The following TMEM26 variants were observed in gnomAD, a reference collection of about 807,000 sequenced individuals.
TMEM26 encodes the protein transmembrane protein 26.
Under a neutral mutation model 28.8 loss-of-function variants are expected in TMEM26, and 38 were observed. That is an observed-to-expected ratio of 1.32 (90% confidence interval 1.02 to 1.73). TMEM26 has a LOEUF of 1.73. Ranked by LOEUF, TMEM26 falls within the 40% of genes most tolerant of loss-of-function variation. TMEM26 has a pLI of 0.00. For synonymous variants in TMEM26, 227 were observed against 182.9 expected (o/e 1.24, Z -1.95); for missense variants, 518 against 447.1 (o/e 1.16, Z -1.43).
chr10:61,425,817 C>T (rs1016695702), intron 4 of TMEM26, among the ~76,000 whole-genome samples: 6 of 152,056 alleles, frequency 3.9e-5, no homozygotes, highest in African/African-American at 9.7e-5. Context: ...GCAGAGAAAA[C>T]GGAATCCTCA....
intron 3 of TMEM26, among the ~76,000 whole-genome samples, chr10:61,430,662 T>C (rs1170444911): frequency 1.3e-5 from 2 of 151,666 alleles, no homozygotes; most frequent in Non-Finnish European, 2.9e-5. Flanking sequence ...CTCTTTCCTA[T>C]ATACTAGCAA....
intron 1 of TMEM26, among the ~76,000 whole-genome samples, chr10:61,439,242 T>G (rs1403138868): frequency 6.6e-6 from 1 of 152,206 alleles, no homozygotes. Flanking sequence ...CATGCTGTAC[T>G]GTTTTATAGT....
At chr10:61,429,589 ACAAAT>A (rs1165954840) in intron 3 of TMEM26, among the ~76,000 whole-genome samples, 2 of 152,108 alleles carry the variant, frequency 1.3e-5, no homozygotes, top group African/African-American at 4.8e-5. Context: ...TTAGCATTGT[ACAAAT>A]CTTCTCTTTG....
intron 4 of TMEM26, among the ~76,000 whole-genome samples, chr10:61,420,251 A>C (rs751676046): frequency 4.6e-5 from 7 of 152,162 alleles, no homozygotes; most frequent in Non-Finnish European, 1.0e-4. Context: ...GAAGTGAATC[A>C]TCATAAAGGT....
chr10:61,452,922 GGGTGAGCGCAGTCTCCA>G lies in TMEM26; in HGVS notation c.143_159del (p.Leu48ProfsTer22). The G allele has an allele frequency of 1.2e-6, 2 of 1,613,952 alleles. No individual in the cohort carries two copies. The highest frequency in any genetic ancestry group is 1.7e-6 in the Non-Finnish European group (2 of 1,179,884). On this transcript the variant is annotated frameshift_variant, in exon 1 of 6. Transcript: ENST00000399298. LOFTEE classifies it high-confidence loss of function. ...TAGCCTCTGCCGCGCTTGAACTTGAGGGTGAGCGCAGTCTCCAGGAAGAGCAAGAGGTTGAGCAGCGC... is the reference window on the plus strand; with the variant it reads ...TAGCCTCTGCCGCGCTTGAACTTGAGGGAAGAGCAAGAGGTTGAGCAGCGC...
At chr10:61,451,986 G>GAT (rs10555555) in intron 1 of TMEM26, among the ~76,000 whole-genome samples, 4,383 of 148,728 alleles carry the variant, frequency 0.029, 192 homozygotes, top group South Asian at 0.13. Flanking sequence ...TTAATGTATT[G>GAT]ATATATATAT....
intron 1 of TMEM26, among the ~76,000 whole-genome samples, chr10:61,449,344 G>C (rs555241276): frequency 1.5e-4 from 23 of 152,122 alleles, no homozygotes; most frequent in Admixed American, 1.4e-3. Context: ...TATTCTATAG[G>C]ATTCCAACAA....
At chr10:61,416,082 G>A (rs1427194831) in intron 4 of TMEM26, 1 of 449,486 alleles carries the variant, frequency 2.2e-6, no homozygotes, top group Non-Finnish European at 4.5e-6. Flanking sequence ...TTGCCACTTG[G>A]GGTTAGTATG....
chr10:61,423,715 A>G (rs1277517674), intron 4 of TMEM26, among the ~76,000 whole-genome samples: 1 of 152,166 alleles, frequency 6.6e-6, no homozygotes, highest in African/African-American at 2.4e-5. Context: ...CCCGGGCTAA[A>G]GGGCAAGACC....
chr10:61,439,262 A>G (rs958745300), intron 1 of TMEM26, among the ~76,000 whole-genome samples: 8 of 152,212 alleles, frequency 5.3e-5, no homozygotes, highest in African/African-American at 1.9e-4. Context: ...TTATGTGTGT[A>G]TAAGACTTCG....
chr10:61,435,646 C>T (rs1225616803), intron 2 of TMEM26, among the ~76,000 whole-genome samples: 1 of 152,220 alleles, frequency 6.6e-6, no homozygotes, highest in Non-Finnish European at 1.5e-5. Context: ...AATTAATCTC[C>T]TGTAATCTGC....
chr10:61,452,322 T>A (rs934832959), intron 1 of TMEM26, among the ~76,000 whole-genome samples: 2 of 152,182 alleles, frequency 1.3e-5, no homozygotes, highest in Non-Finnish European at 2.9e-5. Flanking sequence ...CCCAGACACC[T>A]GAAGCTGGCG....
intron 5 of TMEM26, among the ~76,000 whole-genome samples, chr10:61,411,110 G>A (rs1360352552): frequency 6.6e-6 from 1 of 152,188 alleles, no homozygotes; most frequent in African/African-American, 2.4e-5. Context: ...CCACCATTGT[G>A]ATTCTGGGGT....
At position 61,416,647 on chromosome 10, in the gene TMEM26, A is replaced by G. The variant is rs111390094; in HGVS notation, c.606-3112T>C. On this transcript the variant is annotated intron_variant, in intron 4 of 5. Coordinates refer to ENST00000399298, the MANE Select transcript of TMEM26 (RefSeq NM_178505.8). ...TGCCTGACATGTCTTTGCTTATAAA[A>G]TTGGGATAATAAAAAAATTTACTTC... 2.4e-3 allele frequency among the ~76,000 whole-genome samples: 368 copies of G among 152,140 alleles called. 2 individuals are homozygous for G. Among genetic ancestry groups the G allele is most frequent in the African/African-American group, 8.3e-3 (343 of 41,554 alleles).
intron 4 of TMEM26, among the ~76,000 whole-genome samples, chr10:61,423,033 C>T (rs1443973498): frequency 6.6e-6 from 1 of 151,978 alleles, no homozygotes; most frequent in Non-Finnish European, 1.5e-5. Flanking sequence ...CAACTCACTC[C>T]ACAGAAATTA....
chr10:61,451,874 G>A (rs1028505752), intron 1 of TMEM26, among the ~76,000 whole-genome samples: 27 of 151,896 alleles, frequency 1.8e-4, no homozygotes, highest in African/African-American at 6.5e-4. Context: ...ACTGTAGAGG[G>A]GTTGTTTCAT....
At chr10:61,452,701 T>A in intron 1 of TMEM26, 190 bp downstream of exon 1, 2 of 630,774 alleles carry the variant, frequency 3.2e-6, no homozygotes, top group Non-Finnish European at 5.5e-6. Context: ...AGTGTTGCAC[T>A]GGGACCCTAG....
At chr10:61,452,364 G>A (rs1318051424) in intron 1 of TMEM26, among the ~76,000 whole-genome samples, 1 of 152,246 alleles carries the variant, frequency 6.6e-6, no homozygotes, top group Non-Finnish European at 1.5e-5. Flanking sequence ...GCGCGCGGCT[G>A]GAGGGAAGGG....
chr10:61,437,505 T>C (rs1006742221), intron 1 of TMEM26, among the ~76,000 whole-genome samples: 4 of 152,170 alleles, frequency 2.6e-5, no homozygotes, highest in African/African-American at 9.7e-5. Context: ...CAAATTGGTC[T>C]GGGCACGGTG....
Sources: allele counts gnomAD v4.1 joint callset (sites outside exome capture counted in the v4.1 genomes callset), GRCh38; gene constraint gnomAD v4.1.1; transcripts MANE v1.5; gene names NCBI Gene and HGNC (gene_info 2026-07-23, HGNC 2026-07-21).